FSTL5: variants seen among roughly 807,000 people sequenced by gnomAD.
FSTL5 encodes follistatin like 5.
FSTL5 carries 62 observed loss-of-function variants against 89.1 expected under a neutral mutation model. The observed-to-expected ratio is 0.70, with a 90% CI of 0.57 to 0.86. The LOEUF (loss-of-function observed/expected upper bound fraction) is 0.86. Among genes scored for constraint, FSTL5 ranks in the 40% least tolerant of loss-of-function variants. FSTL5 has a pLI of 0.00. For missense variants in FSTL5, 1,057 were observed against 1,001.6 expected (o/e 1.06, Z -0.75); for synonymous variants, 383 against 346.2 (o/e 1.11, Z -1.18).
intron 9 of FSTL5, among the ~76,000 whole-genome samples, chr4:161,541,884 A>G (rs1221032813): frequency 6.6e-6 from 1 of 151,920 alleles, no homozygotes; most frequent in African/African-American, 2.4e-5. Flanking sequence ...AACTGCTTTT[A>G]GACTACTTAA....
intron 4 of FSTL5, among the ~76,000 whole-genome samples, chr4:161,833,895 T>C (rs898436525): frequency 6.6e-6 from 1 of 152,104 alleles, no homozygotes; most frequent in Non-Finnish European, 1.5e-5. Flanking sequence ...AAAGTTAATA[T>C]TGTGATGTGT....
At chr4:161,809,642 A>G (rs1261449626) in intron 4 of FSTL5, among the ~76,000 whole-genome samples, 1 of 152,252 alleles carries the variant, frequency 6.6e-6, no homozygotes, top group African/African-American at 2.4e-5. Flanking sequence ...ATGGTATATT[A>G]TTCAGCCTTA....
chr4:161,895,414 G>A (rs1435407724), intron 4 of FSTL5, among the ~76,000 whole-genome samples: 2 of 152,012 alleles, frequency 1.3e-5, no homozygotes, highest in Non-Finnish European at 2.9e-5. Context: ...TACATTGCAA[G>A]ACTTGCCTCG....
intron 2 of FSTL5, among the ~76,000 whole-genome samples, chr4:162,075,490 A>G (rs1313210687): frequency 6.6e-6 from 1 of 151,842 alleles, no homozygotes; most frequent in Non-Finnish European, 1.5e-5. Context: ...GACAGATGCT[A>G]CATTCCTGTG....
chr4:161,902,057 A>C (rs6536625), intron 4 of FSTL5, among the ~76,000 whole-genome samples: 149,277 of 152,272 alleles, frequency 0.98, 73,206 homozygotes, highest in Non-Finnish European at 1. Context: ...CCTAGATATT[A>C]TTTGTTACAT....
At chr4:161,538,068 C>A in intron 10 of FSTL5, 98 bp downstream of exon 10, 1 of 1,081,066 alleles carries the variant, frequency 9.3e-7, no homozygotes, top group Non-Finnish European at 1.4e-6. Flanking sequence ...ATGCATTGTG[C>A]AATTCACAGT....
chr4:162,095,316 C>T (rs986676147), intron 2 of FSTL5, among the ~76,000 whole-genome samples: 2 of 152,052 alleles, frequency 1.3e-5, no homozygotes, highest in African/African-American at 4.8e-5. Context: ...TTTCTATAGT[C>T]CATTTAGTTG....
intron 3 of FSTL5, among the ~76,000 whole-genome samples, chr4:161,932,208 A>G (rs1216329127): frequency 6.6e-6 from 1 of 152,028 alleles, no homozygotes; most frequent in African/African-American, 2.4e-5. Context: ...TGTCACTTAC[A>G]GTAAAATAAT....
chr4:161,760,907 TAGAC>T (rs1321328601), intron 5 of FSTL5, among the ~76,000 whole-genome samples: 1 of 152,112 alleles, frequency 6.6e-6, no homozygotes. Flanking sequence ...TGAGTGTAGA[TAGAC>T]TGAGGAGATA....
chr4:161,845,749 G>A (rs1731346374), intron 4 of FSTL5, among the ~76,000 whole-genome samples: 1 of 152,046 alleles, frequency 6.6e-6, no homozygotes, highest in African/African-American at 2.4e-5. Context: ...TGTTTTATCT[G>A]ACGTCAAGAA....
chr4:161,678,340 G>T (rs750062429), intron 6 of FSTL5, among the ~76,000 whole-genome samples: 3 of 151,756 alleles, frequency 2.0e-5, no homozygotes, highest in African/African-American at 7.2e-5. Flanking sequence ...AAACAGAATA[G>T]TGTCAAAATT....
chr4:161,413,239 T>G (rs1057089623), intron 15 of FSTL5, among the ~76,000 whole-genome samples: 1 of 36,286 alleles, frequency 2.8e-5, no homozygotes, highest in African/African-American at 1.2e-4. Flanking sequence ...GCAAAGGACA[T>G]GAATAGACAC....
At chr4:162,068,462 A>G (rs1729443996) in intron 2 of FSTL5, among the ~76,000 whole-genome samples, 1 of 152,126 alleles carries the variant, frequency 6.6e-6, no homozygotes, top group Non-Finnish European at 1.5e-5. Context: ...ATGGCTTCCT[A>G]TTTAATAAAT....
intron 11 of FSTL5, among the ~76,000 whole-genome samples, chr4:161,506,656 T>C (rs1730492835): frequency 6.6e-6 from 1 of 152,140 alleles, no homozygotes; most frequent in Admixed American, 6.6e-5. Context: ...TCCCTGGCAG[T>C]GTACATTTTT....
chr4:161,455,108 C>A lies in FSTL5; in HGVS notation c.1737G>T (p.Gly579=), dbSNP rs145541065. The A allele has an allele frequency of 6.8e-4, 1,092 of 1,608,710 alleles. 1 individual carries two copies. The highest frequency in any genetic ancestry group is 8.7e-4 in the Non-Finnish European group (1,023 of 1,177,982). ...TGTGGATCGTGTGGTGAGGCACATT[C>A]CCACTGGCCAGGGTAATTACCTAAA... ...PTLQVITLAS[G]NVPHHTIHTQ... is the part of the protein sequence containing the mutation. The change falls in exon 15 of 16, where the codon GGG becomes GGT. Residue 579 remains glycine, a synonymous_variant. Coordinates refer to ENST00000306100, the MANE Select transcript of FSTL5 (RefSeq NM_020116.5).
rs1015223456 is a variant in FSTL5, at chr4:161,771,082, G to A, written c.606+4796C>T. On this transcript the variant is annotated intron_variant, in intron 5 of 15. Coordinates refer to ENST00000306100, the MANE Select transcript of FSTL5 (RefSeq NM_020116.5). Reference sequence around the variant, plus strand: ...CAATTATTTTATTATAAAAATCAATGCTAAAGTTTTTACTAGCATAAAGTT... The same window carrying A: ...CAATTATTTTATTATAAAAATCAATACTAAAGTTTTTACTAGCATAAAGTT... Among the ~76,000 whole-genome samples the A allele has an allele frequency of 2.6e-5, 4 of 151,932 alleles. No homozygotes were observed. In the East Asian group the frequency reaches 7.7e-4, roughly 29 times the overall value.
At chr4:161,795,121 G>A (rs559651119) in intron 4 of FSTL5, among the ~76,000 whole-genome samples, 1 of 151,932 alleles carries the variant, frequency 6.6e-6, no homozygotes, top group Non-Finnish European at 1.5e-5. Flanking sequence ...GAATACAAAT[G>A]ACTAAAGGAG....
intron 4 of FSTL5, among the ~76,000 whole-genome samples, chr4:161,886,573 T>C (rs1255146984): frequency 6.6e-6 from 1 of 152,202 alleles, no homozygotes; most frequent in African/African-American, 2.4e-5. Flanking sequence ...TCTTCAATCA[T>C]ATTTGGATAC....
At chr4:161,863,965 T>C (rs1329077185) in intron 4 of FSTL5, among the ~76,000 whole-genome samples, 1 of 152,222 alleles carries the variant, frequency 6.6e-6, no homozygotes, top group Non-Finnish European at 1.5e-5. Flanking sequence ...TCATTGTCTA[T>C]TGTTTTTGTT....
Sources: allele counts gnomAD v4.1 joint callset (sites outside exome capture counted in the v4.1 genomes callset), GRCh38; gene constraint gnomAD v4.1.1; transcripts MANE v1.5; gene names NCBI Gene and HGNC (gene_info 2026-07-23, HGNC 2026-07-21).